The following TPBG variants were observed in gnomAD, a reference collection of about 807,000 sequenced individuals.
TPBG encodes 5T4 oncofetal antigen.
TPBG carries 13 observed loss-of-function variants against 19.3 expected under a neutral mutation model. The ratio of observed to expected loss-of-function variants is 0.67; its 90% CI spans 0.44 to 1.07. TPBG has a LOEUF of 1.07. TPBG is among the 50% of genes least tolerant of loss of function. TPBG has a pLI of 0.00. For synonymous variants in TPBG, 338 were observed against 259.8 expected (o/e 1.30, Z -2.89); for missense variants, 642 against 559.6 (o/e 1.15, Z -1.49).
upstream of TPBG, chr6:82,363,221 C>G (rs1026075898): frequency 6.6e-6 from 1 of 151,674 alleles, no homozygotes; most frequent in Non-Finnish European, 1.5e-5. Context: ...CTCTCTCTCT[C>G]TCTTAAAGTT....
At chr6:82,363,201 T>C (rs549238462), upstream of TPBG, 19 of 152,096 alleles carry the variant, frequency 1.2e-4, no homozygotes, top group Admixed American at 6.5e-4. Flanking sequence ...AATCTTTTTT[T>C]TTTCTTTCTC....
At position 82,367,266 on chromosome 6, in the gene TPBG, A is replaced by G. The variant is rs1322815038; in HGVS notation, c.*1042A>G. ...AGGCTAATGAAGTTATTGTTGGTCT[A>G]GAAAAATAGTATTTACTTAATAAAA... On this transcript the variant is annotated 3_prime_UTR_variant, in exon 2 of 2. Coordinates refer to ENST00000369750, the MANE Select transcript of TPBG (RefSeq NM_001376922.1). 6.0e-6 allele frequency: 1 copy of G among 167,116 alleles called. No individual in the cohort carries two copies. The highest frequency in any genetic ancestry group is 6.5e-5 in the Admixed American group (1 of 15,284). 10.4% of individuals were successfully genotyped at this position (167,116 alleles called of 1,614,324 possible).
chr6:82,364,388 G>C (rs1767411340), intron 1 of TPBG: 1 of 152,600 alleles, frequency 6.6e-6, no homozygotes, highest in African/African-American at 2.4e-5. Context: ...GAGGCCGGTC[G>C]GGTTTATTTA....
chr6:82,364,036 T>A (rs1215483217), intron 1 of TPBG, 128 bp downstream of exon 1: 1 of 152,322 alleles, frequency 6.6e-6, no homozygotes, highest in Non-Finnish European at 1.5e-5. Flanking sequence ...GCTGCTTTGT[T>A]CCCAGACTCT....
In TPBG at chr6:82,366,248, G is replaced by A. The variant is rs1325006507; in HGVS notation, c.*24G>A. The A allele has an allele frequency of 6.4e-7, 1 of 1,550,430 alleles. No homozygotes were observed. The highest frequency in any genetic ancestry group is 2.2e-5 in the East Asian group (1 of 44,474). On this transcript the variant is annotated 3_prime_UTR_variant, in exon 2 of 2. Coordinates refer to ENST00000369750, the MANE Select transcript of TPBG (RefSeq NM_001376922.1). ...GAGAAATATTAGAGGACAGACCAAGGACAACTCTGCATGAGATGTAGACTT... is the reference window on the plus strand; with the variant it reads ...GAGAAATATTAGAGGACAGACCAAGAACAACTCTGCATGAGATGTAGACTT...
In TPBG at chr6:82,365,315, G is replaced by A; in HGVS notation, c.354G>A (p.Ala118=). ...CCTTCGCCCGCCGGCCGCCGCTGGC[G>A]GAGCTGGCCGCGCTCAACCTCAGCG... ...AGAFARRPPL[A]ELAALNLSGS... is the part of the protein sequence containing the mutation. Residue 118 remains alanine, a synonymous_variant, in exon 2 of 2, where the codon GCG becomes GCA. Transcript: ENST00000369750. 6.4e-7 allele frequency: 1 copy of A among 1,569,086 alleles called. No homozygotes were observed. Among genetic ancestry groups the A allele is most frequent in the Non-Finnish European group, 8.6e-7 (1 of 1,167,258 alleles).
Position 82,364,886 on chromosome 6 carries a change from C to T in TPBG, c.-76C>T. On this transcript the variant is annotated 5_prime_UTR_variant, in exon 2 of 2. Coordinates refer to ENST00000369750, the MANE Select transcript of TPBG (RefSeq NM_001376922.1). ...TTTTCCAGACGCTTCCGCCGGCTCGCGCCCTCCGGGCCCAGCCTCCCGAGC... is the reference window on the plus strand; with the variant it reads ...TTTTCCAGACGCTTCCGCCGGCTCGTGCCCTCCGGGCCCAGCCTCCCGAGC... The T allele has an allele frequency of 3.2e-6, 4 of 1,236,322 alleles. No homozygotes were observed. Among genetic ancestry groups the T allele is most frequent in the South Asian group, 4.2e-5 (2 of 47,526 alleles). 76.6% of individuals were successfully genotyped at this position (1,236,322 alleles called of 1,614,324 possible).
chr6:82,364,851 A>C lies in TPBG; in HGVS notation c.-111A>C. On this transcript the variant is annotated 5_prime_UTR_variant, in exon 2 of 2. Coordinates refer to ENST00000369750, the MANE Select transcript of TPBG (RefSeq NM_001376922.1). ...GCCACTCCCTCGGTTCCACGAGAGG[A>C]AAGTTTTTTTTTTCCAGACGCTTCC... 1.0e-6 allele frequency: 1 copy of C among 989,414 alleles called. No homozygotes were observed. Among genetic ancestry groups the C allele is most frequent in the Non-Finnish European group, 1.4e-6 (1 of 724,146 alleles). 61.3% of individuals were successfully genotyped at this position (989,414 alleles called of 1,614,324 possible). A position where few individuals can be genotyped will look rare whatever the true frequency, so the allele number is the denominator to read the frequency against.
chr6:82,364,341 G>C (rs1441283680), intron 1 of TPBG: 1 of 152,692 alleles, frequency 6.5e-6, no homozygotes, highest in Non-Finnish European at 1.5e-5. Context: ...TAAGTTAGAC[G>C]CGGGAGACGA....
rs1767506535 is a variant in TPBG at position 82,366,415 on chromosome 6, G to A, written c.*191G>A. 4 of 627,286 alleles carry A rather than the reference G, an allele frequency of 6.4e-6. No homozygotes were observed. The highest frequency in any genetic ancestry group is 1.1e-5 in the Non-Finnish European group (4 of 375,576). The allele number at this position is 627,286 out of a possible 1,614,324, so 38.9% of individuals were successfully genotyped here. On this transcript the variant is annotated 3_prime_UTR_variant, in exon 2 of 2. Coordinates refer to ENST00000369750, the MANE Select transcript of TPBG (RefSeq NM_001376922.1). The stretch of plus-strand genomic sequence containing the variant: ...TTCTGTTAATGTAAGACGATGAACA[G>A]TTGTGTATAGTGTTTTACCCTCTTC...
rs1221794085 is a variant in TPBG at position 82,366,176 on chromosome 6, C to A, written c.1215C>A (p.Ile405=). 2.5e-6 allele frequency: 4 copies of A among 1,608,158 alleles called. No individual in the cohort carries two copies. Among genetic ancestry groups the A allele is most frequent in the East Asian group, 4.5e-5 (2 of 44,838 alleles). Residue 405 remains isoleucine (I), a synonymous_variant, in exon 2 of 2, where the codon ATC becomes ATA. Coordinates refer to ENST00000369750, the MANE Select transcript of TPBG (RefSeq NM_001376922.1). The part of the protein sequence containing the change: ...HMEGYHYRYE[I]NADPRLTNLS... ...AAGGGTATCATTACAGATATGAAAT[C>A]AATGCGGACCCCAGATTAACGAACC...
At position 82,365,069 on chromosome 6, in the gene TPBG, C is replaced by G. The variant is rs1373951774; in HGVS notation, c.108C>G (p.Ser36=). The G allele has an allele frequency of 1.3e-6, 2 of 1,556,450 alleles. No homozygotes were observed. The highest frequency in any genetic ancestry group is 1.9e-5 in the Admixed American group (1 of 51,436). The change falls in exon 2 of 2, where the codon TCC becomes TCG. Residue 36 remains serine, a synonymous_variant. Transcript: ENST00000369750. ...GGGTCTCCTCGTCTTCTCCCACCTC[C>G]TCGGCATCCTCCTTCTCCTCCTCGG... is the stretch of plus-strand genomic sequence containing the variant. ...LGWVSSSSPT[S]SASSFSSSAP...
In TPBG at chr6:82,365,831, C is replaced by G; in HGVS notation, c.870C>G (p.Phe290Leu). ...AAGGTCTACCCCACATTAGGGTTTT[C>G]CTGGACAACAATCCCTGGGTCTGCG... The part of the protein sequence containing the change: ...ELQGLPHIRV[F>L]LDNNPWVCDC... The change falls in exon 2 of 2, where the codon TTC (phenylalanine) becomes TTG (leucine). Residue 290 changes from phenylalanine (F) to leucine (L), a missense_variant. By Grantham distance (22) the Phe-to-Leu change is conservative. Transcript: ENST00000369750. 6.2e-7 allele frequency: 1 copy of G among 1,614,194 alleles called. No individual in the cohort carries two copies. The highest frequency in any genetic ancestry group is 8.5e-7 in the Non-Finnish European group (1 of 1,180,046).
rs143650338 is a variant in TPBG at position 82,365,562 on chromosome 6, G to A, written c.601G>A (p.Ala201Thr). The A allele has an allele frequency of 6.3e-7, 1 of 1,578,728 alleles. No homozygotes were observed. The highest frequency in any genetic ancestry group is 1.4e-5 in the African/African-American group (1 of 73,888). ...QNRSFEGMVV[A>T]ALLAGRALQG... is the part of the protein sequence containing the mutation. ...CCGGAGCTTCGAGGGCATGGTGGTGGCGGCCCTGCTGGCGGGCCGTGCACT... is the reference window on the plus strand; with the variant it reads ...CCGGAGCTTCGAGGGCATGGTGGTGACGGCCCTGCTGGCGGGCCGTGCACT... Residue 201 changes from alanine to threonine, a missense_variant, in exon 2 of 2, where the codon GCG becomes ACG. Transcript: ENST00000369750.
chr6:82,365,203 A>G lies in TPBG; in HGVS notation c.242A>G (p.Asn81Ser), dbSNP rs774506603. 5.6e-6 allele frequency: 9 copies of G among 1,596,484 alleles called. No individual in the cohort carries two copies. Among genetic ancestry groups the G allele is most frequent in the Admixed American group, 1.7e-5 (1 of 58,078 alleles). The change falls in exon 2 of 2, where the codon AAT (asparagine) becomes AGT (serine). Residue 81 changes from asparagine (N) to serine (S), a missense_variant. Coordinates refer to ENST00000369750, the MANE Select transcript of TPBG (RefSeq NM_001376922.1). ...AARTVKCVNR[N>S]LTEVPTDLPA... ...CGCACAGTCAAGTGCGTTAACCGCA[A>G]TCTGACCGAGGTGCCCACGGACCTG... is the stretch of plus-strand genomic sequence containing the variant.
Position 82,367,374 on chromosome 6 carries a change from TAAA to T in TPBG, c.*1151_*1153del, listed in dbSNP as rs1338097780. ...AAATAAATATAAAGATAAAGTGTCT[TAAA>T]GACAATATTCTGAAATAAAAGATAT... On this transcript the variant is annotated 3_prime_UTR_variant, in exon 2 of 2. Coordinates refer to ENST00000369750, the MANE Select transcript of TPBG (RefSeq NM_001376922.1). 12 of 167,096 alleles carry T rather than the reference TAAA, an allele frequency of 7.2e-5. No individual in the cohort carries two copies. Among genetic ancestry groups the T allele is most frequent in the Admixed American group, 3.3e-4 (5 of 15,298 alleles). 10.4% of individuals were successfully genotyped at this position (167,096 alleles called of 1,614,324 possible).
rs778997503 is a variant in TPBG at position 82,365,530 on chromosome 6, G to C, written c.569G>C (p.Arg190Pro). The C allele has an allele frequency of 6.3e-7, 1 of 1,575,818 alleles. No individual in the cohort carries two copies. The highest frequency in any genetic ancestry group is 1.4e-5 in the African/African-American group (1 of 73,742). Residue 190 changes from arginine to proline, a missense_variant, in exon 2 of 2, where the codon CGG becomes CCG. Physicochemically the swap from Arg to Pro is moderately radical, Grantham distance 103. Transcript: ENST00000369750. ...CACATCGTGCCCCCTGAAGATGAGCGGCAGAACCGGAGCTTCGAGGGCATG... is the reference window on the plus strand; with the variant it reads ...CACATCGTGCCCCCTGAAGATGAGCCGCAGAACCGGAGCTTCGAGGGCATG... ...LNHIVPPEDERQNRSFEGMVV... is the reference protein window; with the variant it reads ...LNHIVPPEDEPQNRSFEGMVV...
At position 82,366,553 on chromosome 6, in the gene TPBG, C is replaced by T. The variant is rs1055671656; in HGVS notation, c.*329C>T. 1 of 222,898 alleles carries T rather than the reference C, an allele frequency of 4.5e-6. No homozygotes were observed. Among genetic ancestry groups the T allele is most frequent in the African/African-American group, 2.3e-5 (1 of 43,660 alleles). The allele number at this position is 222,898 out of a possible 1,614,324, so 13.8% of individuals were successfully genotyped here. On this transcript the variant is annotated 3_prime_UTR_variant, in exon 2 of 2. Transcript: ENST00000369750. Reference sequence around the variant, plus strand: ...TACAGTTCAAGGTGTAGCAAGTGTACCCACACAGATAGCATTCAACAAAAG... The same window carrying T: ...TACAGTTCAAGGTGTAGCAAGTGTATCCACACAGATAGCATTCAACAAAAG...
chr6:82,365,988 G>A lies in TPBG; in HGVS notation c.1027G>A (p.Asp343Asn). ...VLLELNSADL[D>N]CDPILPPSLQ... ...CTTGGAACTCAACAGTGCTGACCTGGACTGTGACCCGATTCTTCCCCCATC... is the reference window on the plus strand; with the variant it reads ...CTTGGAACTCAACAGTGCTGACCTGAACTGTGACCCGATTCTTCCCCCATC... Residue 343 changes from aspartate (D) to asparagine (N), a missense_variant, in exon 2 of 2, where the codon GAC becomes AAC. Physicochemically the swap from Asp to Asn is conservative, Grantham distance 23. Transcript: ENST00000369750. 1.2e-6 allele frequency: 2 copies of A among 1,613,944 alleles called. No homozygotes were observed. The highest frequency in any genetic ancestry group is 1.7e-6 in the Non-Finnish European group (2 of 1,179,884).
Sources: allele counts gnomAD v4.1 joint callset, GRCh38; gene constraint gnomAD v4.1.1; transcripts MANE v1.5; gene names NCBI Gene and HGNC (gene_info 2026-07-23, HGNC 2026-07-21).